Variants in STX6 observed in about 807,000 individuals in gnomAD.
STX6 encodes the protein syntaxin-6.
In STX6, 23 loss-of-function variants were observed where a neutral mutation model predicts 38.0. The ratio of observed to expected loss-of-function variants is 0.60; its 90% CI spans 0.43 to 0.86. The LOEUF (loss-of-function observed/expected upper bound fraction) is 0.86, where lower values mean the gene tolerates loss of function less well. Among genes scored for constraint, STX6 ranks in the 40% least tolerant of loss-of-function variants. The pLI, the probability that STX6 is intolerant of heterozygous loss-of-function variation, is 0.00. For missense variants in STX6, 274 were observed against 312.9 expected (o/e 0.88, Z 0.94); for synonymous variants, 123 against 107.5 (o/e 1.14, Z -0.89).
chr1:180,996,628 G>A (rs1010783151), intron 3 of STX6, among the ~76,000 whole-genome samples: 13 of 151,716 alleles, frequency 8.6e-5, no homozygotes, highest in South Asian at 2.1e-4. Context: ...TCATCAGTAC[G>A]GTGGTGCCAT....
intron 6 of STX6, 55 bp from the exon 7 acceptor site, chr1:180,984,826 A>G: frequency 3.8e-6 from 3 of 780,072 alleles, no homozygotes; most frequent in Non-Finnish European, 6.6e-6. Context: ...TTGGCAGTGC[A>G]CTTGCACTGG....
At chr1:180,992,007 G>C (rs1309826324) in intron 4 of STX6, among the ~76,000 whole-genome samples, 1 of 150,040 alleles carries the variant, frequency 6.7e-6, no homozygotes, top group African/African-American at 2.4e-5. Flanking sequence ...ATACTATCTA[G>C]AGAATAAAAC....
intron 1 of STX6, among the ~76,000 whole-genome samples, chr1:181,008,608 TC>T (rs1656297780): frequency 6.6e-6 from 1 of 152,092 alleles, no homozygotes; most frequent in Non-Finnish European, 1.5e-5. Context: ...AAATGCCAGC[TC>T]ATTTCAATAC....
chr1:181,005,781 C>G (rs1656206993), intron 1 of STX6, among the ~76,000 whole-genome samples: 1 of 152,116 alleles, frequency 6.6e-6, no homozygotes, highest in Admixed American at 6.5e-5. Flanking sequence ...TACAAATTAA[C>G]TAAAGGGCAA....
chr1:181,009,423 C>T (rs186894648), intron 1 of STX6, among the ~76,000 whole-genome samples: 42 of 145,792 alleles, frequency 2.9e-4, no homozygotes, highest in African/African-American at 1.1e-3. Flanking sequence ...GAACCGAGAT[C>T]GTGCCATTGC....
chr1:181,016,233 C>T (rs1656552747), intron 1 of STX6, among the ~76,000 whole-genome samples: 1 of 152,168 alleles, frequency 6.6e-6, no homozygotes, highest in Non-Finnish European at 1.5e-5. Flanking sequence ...CTTTATCTTT[C>T]TCATTCCTGG....
chr1:180,988,547 G>C (rs1281123429), intron 5 of STX6: 1 of 499,270 alleles, frequency 2.0e-6, no homozygotes, highest in Non-Finnish European at 3.7e-6. Context: ...GATATCTCCT[G>C]CTGATCCAAC....
chr1:181,018,879 C>T (rs899143354), intron 1 of STX6, among the ~76,000 whole-genome samples: 1 of 152,078 alleles, frequency 6.6e-6, no homozygotes, highest in Non-Finnish European at 1.5e-5. Context: ...CTCCTTAGGC[C>T]AACATAACTT....
At chr1:181,005,922 A>G (rs1656213852) in intron 1 of STX6, among the ~76,000 whole-genome samples, 1 of 152,230 alleles carries the variant, frequency 6.6e-6, no homozygotes, top group South Asian at 2.1e-4. Flanking sequence ...TTACTCTTAC[A>G]TAGCTACCAT....
intron 7 of STX6, among the ~76,000 whole-genome samples, chr1:180,977,811 C>T (rs1558085261): frequency 6.6e-6 from 1 of 152,134 alleles, no homozygotes; most frequent in Admixed American, 6.5e-5. Flanking sequence ...CTCCACAAGG[C>T]AAAACATGTA....
At chr1:180,998,545 T>C (rs1270716624) in intron 3 of STX6, among the ~76,000 whole-genome samples, 1 of 152,068 alleles carries the variant, frequency 6.6e-6, no homozygotes, top group Non-Finnish European at 1.5e-5. Flanking sequence ...CACACCCAGC[T>C]AATTTTTGTA....
chr1:181,019,406 A>G (rs1656662156), intron 1 of STX6, among the ~76,000 whole-genome samples: 1 of 152,162 alleles, frequency 6.6e-6, no homozygotes. Flanking sequence ...CTAATAATGA[A>G]AGAGAGACAG....
At chr1:180,999,763 A>C (rs933054871) in intron 3 of STX6, among the ~76,000 whole-genome samples, 3 of 152,206 alleles carry the variant, frequency 2.0e-5, no homozygotes, top group Non-Finnish European at 4.4e-5. Flanking sequence ...GTCAATCAAA[A>C]TTTTGGAGCA....
chr1:181,022,712 C>A lies in STX6; in HGVS notation c.-39G>T. The stretch of plus-strand genomic sequence containing the variant: ...CGGCCGCCTTCACCTCCTCCGCGCA[C>A]AGGGCGCCCGTGCCTCCCGGTCTCC... On this transcript the variant is annotated 5_prime_UTR_variant, in exon 1 of 8. Transcript: ENST00000258301. The A allele has an allele frequency of 6.3e-7, 1 of 1,584,692 alleles. No homozygotes were observed. Among genetic ancestry groups the A allele is most frequent in the Non-Finnish European group, 8.6e-7 (1 of 1,167,434 alleles).
rs768664592 is a variant in STX6, at chr1:181,005,316, T to G, written c.183A>C (p.Leu61=). ...TATTGATGGTTTCATCAAGGTCCTCTAGATCCCACTCTATGCTCCGGAGGT... is the reference window on the plus strand; with the variant it reads ...TATTGATGGTTTCATCAAGGTCCTCGAGATCCCACTCTATGCTCCGGAGGT... ...RNNLRSIEWD[L]EDLDETISIV... Residue 61 remains leucine, a synonymous_variant, in exon 2 of 8, where the codon CTA becomes CTC. Coordinates refer to ENST00000258301, the MANE Select transcript of STX6 (RefSeq NM_005819.6). The G allele has an allele frequency of 4.4e-5, 71 of 1,613,996 alleles. No homozygotes were observed. The highest frequency in any genetic ancestry group is 6.0e-5 in the Non-Finnish European group (71 of 1,179,984).
At chr1:181,013,196 T>A (rs1656458969) in intron 1 of STX6, among the ~76,000 whole-genome samples, 2 of 152,062 alleles carry the variant, frequency 1.3e-5, no homozygotes, top group Admixed American at 6.5e-5. Flanking sequence ...TACTTGCATC[T>A]AACCAAGTTT....
chr1:180,988,878 C>G (rs935220612), intron 5 of STX6: 1 of 152,394 alleles, frequency 6.6e-6, no homozygotes, highest in Admixed American at 6.5e-5. Context: ...CAAATATTTA[C>G]TTTTAGTTGT....
Position 181,016,583 on chromosome 1 carries a change from GTTAT to G in STX6, c.35+6052_35+6055del, listed in dbSNP as rs562239022. Among the ~76,000 whole-genome samples the G allele has an allele frequency of 7.1e-3, 1,083 of 152,182 alleles. 7 individuals carry two copies. The highest frequency in any genetic ancestry group is 9.9e-3 in the Non-Finnish European group (671 of 68,008). On this transcript the variant is annotated intron_variant, in intron 1 of 7. Transcript: ENST00000258301. ...ACTAGGCCAAAATTAACAAACAAGG[GTTAT>G]TTTTTTCACAGTGACTATACCAATA... is the stretch of plus-strand genomic sequence containing the variant.
Position 180,976,541 on chromosome 1 carries a change from G to C in STX6, c.*29C>G. ...TCCTCCTCCCCTCGGTTCATATGCA[G>C]GAGGAACTCGCACCCAGAGGCCCCG... On this transcript the variant is annotated 3_prime_UTR_variant, in exon 8 of 8. Transcript: ENST00000258301. 6.2e-7 allele frequency: 1 copy of C among 1,603,522 alleles called. No homozygotes were observed. The highest frequency in any genetic ancestry group is 8.5e-7 in the Non-Finnish European group (1 of 1,171,020).
Sources: gnomAD v4.1 joint callset for allele counts (sites outside exome capture counted in the v4.1 genomes callset) on GRCh38, gnomAD v4.1.1 for gene constraint, MANE v1.5 for transcripts, NCBI Gene and HGNC (gene_info 2026-07-23, HGNC 2026-07-21) for gene names.